Variants in TEP1 observed in about 807,000 individuals in gnomAD.
The protein encoded by TEP1 is telomerase protein component 1.
A neutral mutation model predicts 306.3 loss-of-function variants in TEP1; 241 were observed. The ratio of observed to expected loss-of-function variants is 0.79; its 90% CI spans 0.71 to 0.88. TEP1 has a LOEUF of 0.88. Among genes scored for constraint, TEP1 ranks in the 40% least tolerant of loss-of-function variants. The pLI is 0.00. For synonymous variants in TEP1, 1,289 were observed against 1,305.5 expected (o/e 0.99, Z 0.27); for missense variants, 3,051 against 3,276.1 (o/e 0.93, Z 1.68).
In TEP1 at chr14:20,368,325, A is replaced by G; in HGVS notation, c.*112T>C. 1 of 1,326,144 alleles carries G rather than the reference A, an allele frequency of 7.5e-7. No individual in the cohort carries two copies. The highest frequency in any genetic ancestry group is 1.0e-6 in the Non-Finnish European group (1 of 995,070). 82.1% of individuals were successfully genotyped at this position (1,326,144 alleles called of 1,614,324 possible). A position where few individuals can be genotyped will look rare whatever the true frequency, so the allele number is the denominator to read the frequency against. On this transcript the variant is annotated 3_prime_UTR_variant, in exon 55 of 55. Transcript: ENST00000262715. ...TACACTTGAGATTTTTTGACACTTC[A>G]TTTTTATAATTATCAAGAAATTATT...
chr14:20,377,694 G>A lies in TEP1; in HGVS notation c.5781C>T (p.Leu1927=). 26 of 1,614,098 alleles carry A rather than the reference G, an allele frequency of 1.6e-5. No homozygotes were observed. The highest frequency in any genetic ancestry group is 2.2e-5 in the Non-Finnish European group (26 of 1,180,020). ...RPRGHLGSLS[L]SPALSVALSP... ...TGAGTGCCACAGAGAGGGCAGGAGA[G>A]AGAGAAAGGGAACCCAGGTGCCCAC... The change falls in exon 40 of 55, where the codon CTC becomes CTT. Residue 1927 remains leucine (L), a synonymous_variant. Coordinates refer to ENST00000262715, the MANE Select transcript of TEP1 (RefSeq NM_007110.5).
intron 5 of TEP1, 128 bp downstream of exon 5, chr14:20,404,483 T>C: frequency 2.5e-6 from 3 of 1,210,306 alleles, no homozygotes; most frequent in Non-Finnish European, 1.1e-6. Context: ...GAAGCTGTCC[T>C]GTCTGGGCAC....
At position 20,408,331 on chromosome 14, in the gene TEP1, G is replaced by A. The variant is rs1566486460; in HGVS notation, c.109C>T (p.His37Tyr). 1.2e-6 allele frequency: 2 copies of A among 1,613,654 alleles called. No homozygotes were observed. The highest frequency in any genetic ancestry group is 1.7e-6 in the Non-Finnish European group (2 of 1,179,942). The change falls in exon 2 of 55, where the codon CAT becomes TAT. Residue 37 changes from histidine (H) to tyrosine (Y), a missense_variant. His to Tyr is a moderately conservative substitution (Grantham distance 83). Coordinates refer to ENST00000262715, the MANE Select transcript of TEP1 (RefSeq NM_007110.5). ...AGGATATCTGAGTGGGTAGATACAT[G>A]CTGATGTAGTTTCTCCAAGGGCTGT... ...DLQPLEKLHQ[H>Y]VSTHSDILSL...
At chr14:20,409,744 G>C (rs1879477420) in intron 1 of TEP1, among the ~76,000 whole-genome samples, 1 of 152,136 alleles carries the variant, frequency 6.6e-6, no homozygotes, top group Non-Finnish European at 1.5e-5. Flanking sequence ...ATGCTGGCCG[G>C]GCGCGGTGGC....
At chr14:20,380,183 G>A (rs1885444583) in intron 34 of TEP1, 52 bp downstream of exon 34, 15 of 1,591,682 alleles carry the variant, frequency 9.4e-6, no homozygotes, top group Non-Finnish European at 1.1e-5. Context: ...TTCAGAAAGA[G>A]CTGCAGCTTG....
Position 20,372,849 on chromosome 14 carries a change from G to T in TEP1, c.6960C>A (p.Gly2320=), listed in dbSNP as rs549941682. ...AGGACCAGATCAGAGCACCAATGTG[G>T]CCTGGAGCCTGGTGTACACAACAAG... ...AKAVATAQAP[G]HIGALIWSSA... is the part of the protein sequence containing the mutation. Residue 2320 remains glycine (G), a synonymous_variant, in exon 49 of 55, where the codon GGC becomes GGA. Coordinates refer to ENST00000262715, the MANE Select transcript of TEP1 (RefSeq NM_007110.5). The T allele has an allele frequency of 1.2e-6, 2 of 1,614,164 alleles. No homozygotes were observed. The highest frequency in any genetic ancestry group is 2.7e-5 in the African/African-American group (2 of 75,034).
Position 20,374,411 on chromosome 14 carries a change from TCTC to T in TEP1, c.6471+15_6471+17del. On this transcript the variant is annotated intron_variant, in intron 44 of 54. Coordinates refer to ENST00000262715, the MANE Select transcript of TEP1 (RefSeq NM_007110.5). ...CCCTTCCAGAGACCCCCCAGTGGGA[TCTC>T]CATTGCTTTCTCACCACAGCTGCCA... 1 of 1,598,018 alleles carries T rather than the reference TCTC, an allele frequency of 6.3e-7. No individual in the cohort carries two copies. The highest frequency in any genetic ancestry group is 8.6e-7 in the Non-Finnish European group (1 of 1,169,048).
intron 18 of TEP1, 110 bp from the exon 19 acceptor site, chr14:20,386,733 C>T: frequency 3.2e-6 from 4 of 1,241,378 alleles, no homozygotes; most frequent in Non-Finnish European, 4.2e-6. Flanking sequence ...GTACGACAGA[C>T]AGCAGATGGG....
At chr14:20,388,878 G>A (rs1328129925) in intron 17 of TEP1, among the ~76,000 whole-genome samples, 4 of 152,168 alleles carry the variant, frequency 2.6e-5, no homozygotes, top group African/African-American at 7.2e-5. Flanking sequence ...AGCCGGGTGC[G>A]GTGGCTCACG....
intron 3 of TEP1, 108 bp from the exon 4 acceptor site, chr14:20,405,693 G>C: frequency 7.6e-7 from 1 of 1,307,588 alleles, no homozygotes; most frequent in Non-Finnish European, 1.0e-6. Flanking sequence ...ATGGACCCGA[G>C]ATGTGGAGTC....
rs376558769 is a variant in TEP1, at chr14:20,384,400, G to C, written c.3330C>G (p.Leu1110=). 2.8e-4 allele frequency: 445 copies of C among 1,614,140 alleles called. No homozygotes were observed. Among genetic ancestry groups the C allele is most frequent in the Admixed American group, 1.1e-3 (66 of 60,020 alleles). ...CAGTGCTTCTGCTGACCTGCAGGTA[G>C]AGCTTCTGGATCATATTCCATACAT... ...LQDVWNMIQK[L]YLQPGALLEQ... is the part of the protein sequence containing the mutation. Residue 1110 remains leucine (L), a synonymous_variant, in exon 23 of 55, where the codon CTC becomes CTG. Transcript: ENST00000262715.
chr14:20,389,853 T>C, intron 15 of TEP1, 113 bp from the exon 16 acceptor site: 8 of 1,375,678 alleles, frequency 5.8e-6, no homozygotes, highest in Non-Finnish European at 7.9e-6. Flanking sequence ...GAGGAGTACC[T>C]CTCCTGAGAG....
Position 20,406,399 on chromosome 14 carries a change from C to T in TEP1, c.569G>A (p.Gly190Asp), listed in dbSNP as rs745504936. 1.9e-6 allele frequency: 3 copies of T among 1,613,896 alleles called. No individual in the cohort carries two copies. In the Admixed American group the frequency reaches 5.0e-5, roughly 27 times the overall value. The stretch of plus-strand genomic sequence containing the variant: ...CTTCTCTTCTGAATCAAACCAACGA[C>T]CCTGGGGTAGTAGTGGCAGTTATGA... ...ATETAQEATLGRWFDSEEKKG... is the reference protein window; with the variant it reads ...ATETAQEATLDRWFDSEEKKG... The change falls in exon 3 of 55, where the codon GGT (glycine) becomes GAT (aspartate). Residue 190 changes from glycine to aspartate, a missense_variant and splice_region_variant. Around this residue, in one of 3 missense-constraint regions of TEP1, gnomAD observed 1,507 missense variants for 1,550.5 expected, o/e 0.97. Transcript: ENST00000262715.
intron 41 of TEP1, among the ~76,000 whole-genome samples, chr14:20,376,658 C>T (rs1290969067): frequency 7.9e-5 from 12 of 152,198 alleles, no homozygotes; most frequent in Admixed American, 7.9e-4. Flanking sequence ...TACATTTTCA[C>T]CTCAACATCT....
At chr14:20,388,552 T>C (rs1246143675) in intron 17 of TEP1, among the ~76,000 whole-genome samples, 1 of 152,234 alleles carries the variant, frequency 6.6e-6, no homozygotes, top group Non-Finnish European at 1.5e-5. Flanking sequence ...ATTTCTGTAA[T>C]TTTAGCTTAA....
chr14:20,368,766 A>G (rs56321004), intron 54 of TEP1, 32 bp downstream of exon 54: 20,451 of 473,292 alleles, frequency 0.043, 50 homozygotes, highest in East Asian at 0.069. Flanking sequence ...AGGCGCACGC[A>G]CACACACACA....
intron 53 of TEP1, 66 bp downstream of exon 53, chr14:20,369,278 G>A (rs939920665): frequency 4.3e-5 from 66 of 1,551,180 alleles, no homozygotes; most frequent in Non-Finnish European, 5.7e-5. Flanking sequence ...AAAGTGCTGG[G>A]ATTATAGGTG....
intron 6 of TEP1, 104 bp from the exon 7 acceptor site, chr14:20,403,552 C>G: frequency 6.3e-7 from 1 of 1,591,590 alleles, no homozygotes; most frequent in Non-Finnish European, 8.5e-7. Context: ...AGGAAGCCAA[C>G]TAGAAAAGAA....
At chr14:20,369,135 G>C (rs931219026) in intron 53 of TEP1, among the ~76,000 whole-genome samples, 1 of 152,048 alleles carries the variant, frequency 6.6e-6, no homozygotes. Context: ...AGACTCCCGA[G>C]TAGCTGGGAC....
Sources: allele counts gnomAD v4.1 joint callset (sites outside exome capture counted in the v4.1 genomes callset), GRCh38; gene constraint gnomAD v4.1.1; regional missense constraint gnomAD v4.1.1; transcripts MANE v1.5; gene names NCBI Gene and HGNC (gene_info 2026-07-23, HGNC 2026-07-21).